Variants in TAFA5 observed in about 807,000 individuals in gnomAD.
TAFA5 encodes chemokine-like protein TAFA-5.
TAFA5 carries 6 observed loss-of-function variants against 15.3 expected under a neutral mutation model. That is an observed-to-expected ratio of 0.39 (90% confidence interval 0.21 to 0.77). TAFA5 has a LOEUF of 0.77. TAFA5 is among the 30% of genes least tolerant of loss of function. TAFA5 has a pLI of 0.41. For missense variants in TAFA5, 161 were observed against 193.1 expected (o/e 0.83, Z 0.98); for synonymous variants, 103 against 80.7 (o/e 1.28, Z -1.48).
At chr22:48,556,607 G>A (rs533311793) in intron 1 of TAFA5, among the ~76,000 whole-genome samples, 5 of 152,348 alleles carry the variant, frequency 3.3e-5, no homozygotes, top group East Asian at 3.9e-4. Context: ...CAGGGGATTC[G>A]TGTCCCTGGG....
intron 1 of TAFA5, among the ~76,000 whole-genome samples, chr22:48,592,984 A>C (rs564480973): frequency 6.6e-6 from 1 of 152,004 alleles, no homozygotes; most frequent in South Asian, 2.1e-4. Context: ...TGAGTCCTGG[A>C]CCAGGGCCTC....
intron 1 of TAFA5, among the ~76,000 whole-genome samples, chr22:48,558,006 G>T (rs1184745424): frequency 1.3e-5 from 2 of 152,162 alleles, no homozygotes; most frequent in Non-Finnish European, 2.9e-5. Context: ...TCAGGCAGAG[G>T]CCCCAGTCTG....
chr22:48,634,001 A>G (rs916789180), intron 1 of TAFA5, among the ~76,000 whole-genome samples: 1 of 151,920 alleles, frequency 6.6e-6, no homozygotes, highest in Non-Finnish European at 1.5e-5. Flanking sequence ...CTGGGGTCAC[A>G]GGGCCTGTTG....
At chr22:48,513,812 A>G (rs192336051) in intron 1 of TAFA5, among the ~76,000 whole-genome samples, 2 of 152,204 alleles carry the variant, frequency 1.3e-5, no homozygotes, top group East Asian at 3.9e-4. Flanking sequence ...GCCCACTCCC[A>G]CAGTGCTGGT....
chr22:48,659,672 T>C (rs1259749138), intron 2 of TAFA5, among the ~76,000 whole-genome samples: 1 of 152,200 alleles, frequency 6.6e-6, no homozygotes, highest in Non-Finnish European at 1.5e-5. Flanking sequence ...ACCCAGCTGC[T>C]GTCCTCTCTG....
chr22:48,569,413 G>C (rs1028127852), intron 1 of TAFA5, among the ~76,000 whole-genome samples: 1 of 152,190 alleles, frequency 6.6e-6, no homozygotes. Flanking sequence ...TCTCCGGGGG[G>C]TCTGGGCGCC....
intron 3 of TAFA5, among the ~76,000 whole-genome samples, chr22:48,718,456 C>T (rs1929471182): frequency 6.6e-6 from 1 of 152,260 alleles, no homozygotes; most frequent in Admixed American, 6.5e-5. Flanking sequence ...CAACCACACG[C>T]AAGCAGGGAG....
chr22:48,535,844 TCA>T lies in TAFA5; in HGVS notation c.112+46146_112+46147del, dbSNP rs370033519. On this transcript the variant is annotated intron_variant, in intron 1 of 3. Coordinates refer to ENST00000402357, the MANE Select transcript of TAFA5 (RefSeq NM_001082967.3). ...TAGATGCAAGCATGCTGCACACACATCACACACGGTCACACCGGCACATGTAT... is the reference window on the plus strand; with the variant it reads ...TAGATGCAAGCATGCTGCACACACATCACACGGTCACACCGGCACATGTAT... Among the ~76,000 whole-genome samples, 64 of 146,250 alleles carry T rather than the reference TCA, an allele frequency of 4.4e-4. No individual in the cohort carries two copies. The Middle Eastern group carries it at 0.013, about 29-fold the overall frequency.
intron 1 of TAFA5, among the ~76,000 whole-genome samples, chr22:48,497,879 G>A (rs1288547998): frequency 9.1e-6 from 1 of 109,554 alleles, no homozygotes; most frequent in Non-Finnish European, 1.9e-5. Flanking sequence ...GGGGCTGAGG[G>A]CAGGGGCAGG....
intron 1 of TAFA5, among the ~76,000 whole-genome samples, chr22:48,536,693 G>C (rs1180651252): frequency 6.6e-6 from 1 of 152,244 alleles, no homozygotes; most frequent in Non-Finnish European, 1.5e-5. Flanking sequence ...CCGGCTCCCT[G>C]TGCCCTGTGC....
chr22:48,575,333 C>T (rs1264070033), intron 1 of TAFA5, among the ~76,000 whole-genome samples: 3 of 151,092 alleles, frequency 2.0e-5, no homozygotes, highest in Non-Finnish European at 3.0e-5. Flanking sequence ...GGCGGGGTCC[C>T]CGGGGTCCCT....
chr22:48,507,873 G>T (rs965628632), intron 1 of TAFA5, among the ~76,000 whole-genome samples: 3 of 152,124 alleles, frequency 2.0e-5, no homozygotes, highest in African/African-American at 7.2e-5. Context: ...GAAGCTGGGG[G>T]TTCCCTTTTG....
chr22:48,726,955 T>C (rs1430377372), intron 3 of TAFA5, among the ~76,000 whole-genome samples: 1 of 152,182 alleles, frequency 6.6e-6, no homozygotes, highest in Non-Finnish European at 1.5e-5. Flanking sequence ...CTGGATTCCC[T>C]AGCTCAGAGC....
At position 48,560,310 on chromosome 22, in the gene TAFA5, C is replaced by G. The variant is rs1923185379; in HGVS notation, c.112+70606C>G. On this transcript the variant is annotated intron_variant, in intron 1 of 3. Transcript: ENST00000402357. The surrounding 1 kb of genome is among the most constrained non-coding windows in gnomAD (Gnocchi z 4.2). ...GTGCACCCCGGCATTGGTGTGGCCACTGCACTGGTGTGGCCCTGGCATTCA... is the reference window on the plus strand; with the variant it reads ...GTGCACCCCGGCATTGGTGTGGCCAGTGCACTGGTGTGGCCCTGGCATTCA... 6.6e-6 allele frequency among the ~76,000 whole-genome samples: 1 copy of G among 152,222 alleles called. No homozygotes were observed. The highest frequency in any genetic ancestry group is 6.5e-5 in the Admixed American group (1 of 15,288).
intron 1 of TAFA5, among the ~76,000 whole-genome samples, chr22:48,644,238 G>A (rs962695462): frequency 3.3e-5 from 5 of 152,222 alleles, no homozygotes; most frequent in African/African-American, 7.2e-5. Flanking sequence ...CCGAGCGGGG[G>A]ACCAGGGTTT....
At chr22:48,539,986 C>T (rs1216967007) in intron 1 of TAFA5, among the ~76,000 whole-genome samples, 1 of 151,964 alleles carries the variant, frequency 6.6e-6, no homozygotes, top group African/African-American at 2.4e-5. Context: ...CGGGGTCTGG[C>T]AGAGCCCATG....
chr22:48,564,063 A>T (rs911880393), intron 1 of TAFA5, among the ~76,000 whole-genome samples: 5 of 152,200 alleles, frequency 3.3e-5, no homozygotes, highest in South Asian at 2.1e-4. Context: ...CGTGCACATG[A>T]TGTGTGCAGG....
chr22:48,495,446 C>T (rs1289722396), intron 1 of TAFA5, among the ~76,000 whole-genome samples: 1 of 152,170 alleles, frequency 6.6e-6, no homozygotes, highest in East Asian at 1.9e-4. Context: ...TCATGCTACC[C>T]TTCTGTGTCC....
At chr22:48,618,443 G>C (rs1362916787) in intron 1 of TAFA5, among the ~76,000 whole-genome samples, 2 of 152,256 alleles carry the variant, frequency 1.3e-5, no homozygotes, top group African/African-American at 4.8e-5. Context: ...ATTGGAGCAA[G>C]CTCAGGATTT....
Sources: allele counts gnomAD v4.1 joint callset (sites outside exome capture counted in the v4.1 genomes callset), GRCh38; gene constraint gnomAD v4.1.1; non-coding constraint Gnocchi (gnomAD v3.1); transcripts MANE v1.5; gene names NCBI Gene and HGNC (gene_info 2026-07-23, HGNC 2026-07-21).